PARP14: variants seen among roughly 807,000 people sequenced by gnomAD.
The protein encoded by PARP14 is protein mono-ADP-ribosyltransferase PARP14.
PARP14 carries 59 observed loss-of-function variants against 154.2 expected under a neutral mutation model. The observed-to-expected ratio is 0.38, with a 90% CI of 0.31 to 0.48. PARP14 has a LOEUF of 0.48. PARP14 is among the 20% of genes least tolerant of loss of function. The pLI is 0.98. For missense variants in PARP14, 1,734 were observed against 2,131.6 expected, an observed-to-expected ratio of 0.81 and a Z score of 3.67; for synonymous variants, 720 against 780.5, an observed-to-expected ratio of 0.92 and a Z score of 1.29.
chr3:122,692,151 T>A, intron 3 of PARP14, 150 bp from the exon 4 acceptor site: 2 of 508,798 alleles, frequency 3.9e-6, no homozygotes, highest in Non-Finnish European at 6.9e-6. Context: ...TTTATTTAAA[T>A]AAAGCAAAAA....
intron 16 of PARP14, 66 bp from the exon 17 acceptor site, chr3:122,728,242 G>C: frequency 2.9e-6 from 4 of 1,372,744 alleles, no homozygotes; most frequent in Non-Finnish European, 4.1e-6. Flanking sequence ...TTATTTAACA[G>C]ATTGGGCCAA....
chr3:122,702,599 A>T lies in PARP14; in HGVS notation c.3081+964A>T, dbSNP rs1466195331. 2.0e-5 allele frequency among the ~76,000 whole-genome samples: 3 copies of T among 152,166 alleles called. No individual in the cohort carries two copies. In the East Asian group the frequency reaches 5.8e-4, roughly 29 times the overall value. Reference sequence around the variant, plus strand: ...CTAGGATTATTATTATTCTCACTTTACAGATGAGGGAGTGAGACTTAAAGG... The same window carrying T: ...CTAGGATTATTATTATTCTCACTTTTCAGATGAGGGAGTGAGACTTAAAGG... On this transcript the variant is annotated intron_variant, in intron 6 of 16. Coordinates refer to ENST00000474629, the MANE Select transcript of PARP14 (RefSeq NM_017554.3).
chr3:122,684,071 A>T lies in PARP14; in HGVS notation c.188-1114A>T, dbSNP rs138412307. On this transcript the variant is annotated intron_variant, in intron 1 of 16. Transcript: ENST00000474629. Reference sequence around the variant, plus strand: ...AGGCCTATTTCTGAGTTGGCATCCAATTAAGACCCCACTTCCTCCACCCTC... The same window carrying T: ...AGGCCTATTTCTGAGTTGGCATCCATTTAAGACCCCACTTCCTCCACCCTC... 3.5e-3 allele frequency among the ~76,000 whole-genome samples: 530 copies of T among 152,266 alleles called. 3 individuals carry two copies. Among genetic ancestry groups the T allele is most frequent in the African/African-American group, 0.011 (453 of 41,536 alleles).
rs1938928616 is a variant in PARP14 at position 122,700,526 on chromosome 3, T to C, written c.1972T>C (p.Tyr658His). 6.2e-7 allele frequency: 1 copy of C among 1,602,198 alleles called. No individual in the cohort carries two copies. The highest frequency in any genetic ancestry group is 1.1e-5 in the South Asian group (1 of 89,330). The change falls in exon 6 of 17, where the codon TAT becomes CAT. Residue 658 changes from tyrosine (Y) to histidine (H), a missense_variant. Coordinates refer to ENST00000474629, the MANE Select transcript of PARP14 (RefSeq NM_017554.3). ...TGCVKEVNET[Y>H]KLLFNFVEQN... ...CTGTGTAAAAGAAGTAAATGAAACC[T>C]ATAAATTGCTTTTTAACTTCGTTGA...
At position 122,692,315 on chromosome 3, in the gene PARP14, T is replaced by C. The variant is rs745993008; in HGVS notation, c.370T>C (p.Leu124=). The change falls in exon 4 of 17, where the codon TTG becomes CTG. Residue 124 remains leucine, a synonymous_variant. Coordinates refer to ENST00000474629, the MANE Select transcript of PARP14 (RefSeq NM_017554.3). ...DVKEPDVSEE[L]DTKLPLDGGL... ...CCTAAAATCAGATGTGTCAGAAGAA[T>C]TGGATACAAAACTCCCTCTTGATGG... The C allele has an allele frequency of 1.2e-6, 2 of 1,611,656 alleles. No homozygotes were observed. Among genetic ancestry groups the C allele is most frequent in the Non-Finnish European group, 1.7e-6 (2 of 1,177,974 alleles).
chr3:122,686,803 A>G, intron 2 of PARP14: 1 of 354,742 alleles, frequency 2.8e-6, no homozygotes, highest in Non-Finnish European at 5.1e-6. Context: ...TTATGAGCTA[A>G]GATGTTTCTC....
intron 3 of PARP14, among the ~76,000 whole-genome samples, chr3:122,689,279 G>T (rs991685612): frequency 1.3e-5 from 2 of 152,058 alleles, no homozygotes; most frequent in African/African-American, 4.8e-5. Context: ...GACATTTCAC[G>T]CATCACTCCT....
rs1938924563 is a variant in PARP14 at position 122,700,435 on chromosome 3, C to T, written c.1881C>T (p.Ser627=). The part of the protein sequence containing the change: ...LTHNLLKKQN[S]SPNTVIINEL... ...ACAATTTGCTTAAGAAACAAAATTC[C>T]TCCCCAAACACTGTAATCATCAATG... The change falls in exon 6 of 17, where the codon TCC becomes TCT. Residue 627 remains serine (S), a synonymous_variant. Transcript: ENST00000474629. 6.2e-7 allele frequency: 1 copy of T among 1,613,416 alleles called. No homozygotes were observed.
rs757202495 is a variant in PARP14, at chr3:122,701,199, G to A, written c.2645G>A (p.Gly882Glu). The change falls in exon 6 of 17, where the codon GGG (glycine) becomes GAG (glutamate). Residue 882 changes from glycine (G) to glutamate (E), a missense_variant. Physicochemically the swap from Gly to Glu is moderately conservative, Grantham distance 98. This residue lies in a region of PARP14 where 1,646 missense variants were observed against 1,976.0 expected (regional missense o/e 0.83). Transcript: ENST00000474629. The surrounding 1 kb of genome is among the most constrained non-coding windows in gnomAD (Gnocchi z 4.0). ...LPYHHVIHAV[G>E]PRWSGYEAPR... Reference sequence around the variant, plus strand: ...TACCACCACGTGATCCATGCAGTGGGGCCCCGCTGGAGCGGATATGAGGCC... The same window carrying A: ...TACCACCACGTGATCCATGCAGTGGAGCCCCGCTGGAGCGGATATGAGGCC... The A allele has an allele frequency of 6.0e-5, 96 of 1,613,056 alleles. No homozygotes were observed. Among genetic ancestry groups the A allele is most frequent in the Non-Finnish European group, 1.7e-6 (2 of 1,179,608 alleles).
intron 6 of PARP14, among the ~76,000 whole-genome samples, chr3:122,702,014 G>A (rs554940307): frequency 2.0e-5 from 3 of 152,212 alleles, no homozygotes; most frequent in African/African-American, 7.2e-5. Flanking sequence ...CAGAGCATAG[G>A]GTATGCAGAG....
intron 8 of PARP14, among the ~76,000 whole-genome samples, 198 bp from the exon 9 acceptor site, chr3:122,707,992 T>G (rs1348129528): frequency 6.6e-6 from 1 of 152,248 alleles, no homozygotes; most frequent in Non-Finnish European, 1.5e-5. Context: ...CGTTGATATT[T>G]TCATTAGACA....
intron 15 of PARP14, 195 bp downstream of exon 15, chr3:122,720,583 T>G: frequency 1.6e-6 from 1 of 630,566 alleles, no homozygotes; most frequent in Middle Eastern, 2.7e-4. Context: ...GTGTCAGTGA[T>G]TACAATATTT....
intron 15 of PARP14, 150 bp downstream of exon 15, chr3:122,720,538 C>T (rs1933138892): frequency 1.4e-6 from 1 of 722,706 alleles, no homozygotes; most frequent in Non-Finnish European, 2.4e-6. Context: ...AGATTCTACT[C>T]ATGTGACCAT....
In PARP14 at chr3:122,707,242, G is replaced by A. The variant is rs143349178; in HGVS notation, c.3541-948G>A. Reference sequence around the variant, plus strand: ...AGCCTGGCTAACATGGTGAAACCCCGTCTCTACTAAAAATACAAAAATTAC... The same window carrying A: ...AGCCTGGCTAACATGGTGAAACCCCATCTCTACTAAAAATACAAAAATTAC... On this transcript the variant is annotated intron_variant, in intron 8 of 16. Coordinates refer to ENST00000474629, the MANE Select transcript of PARP14 (RefSeq NM_017554.3). 5.0e-3 allele frequency among the ~76,000 whole-genome samples: 765 copies of A among 151,976 alleles called. 8 individuals carry two copies. Among genetic ancestry groups the A allele is most frequent in the African/African-American group, 0.017 (688 of 41,440 alleles).
Position 122,695,565 on chromosome 3 carries a change from T to C in PARP14, c.738T>C (p.Leu246=), listed in dbSNP as rs770656808. 11 of 1,610,662 alleles carry C rather than the reference T, an allele frequency of 6.8e-6. No homozygotes were observed. The African/African-American group carries it at 1.5e-4, about 22-fold the overall frequency. Residue 246 remains leucine (L), a synonymous_variant, in exon 5 of 17, where the codon CTT becomes CTC. Transcript: ENST00000474629. ...GTGCTGATGACTACAGTTTAAAACT[T>C]TTCTTTGAAAATCCCTATAATGGAG... ...PPGADDYSLK[L]FFENPYNGGG...
chr3:122,720,623 T>C (rs995132690), intron 15 of PARP14: 3 of 557,640 alleles, frequency 5.4e-6, no homozygotes, highest in Non-Finnish European at 9.8e-6. Flanking sequence ...ACTAAAGACA[T>C]ATATTTACTT....
intron 6 of PARP14, among the ~76,000 whole-genome samples, chr3:122,703,004 A>AC (rs1560065568): frequency 4.5e-5 from 6 of 131,926 alleles, no homozygotes; most frequent in South Asian, 2.2e-4. Flanking sequence ...AAAAAAAAAA[A>AC]AAAAAACAAA....
At position 122,700,126 on chromosome 3, in the gene PARP14, C is replaced by T. The variant is rs370071107; in HGVS notation, c.1572C>T (p.Ile524=). ...ATGTGTATAAAGCAAAGTGTGAAAT[C>T]CAGGAAAAGGTGTACACCATGGCTC... ...SADVYKAKCE[I]QEKVYTMAQK... Residue 524 remains isoleucine (I), a synonymous_variant, in exon 6 of 17, where the codon ATC becomes ATT. Coordinates refer to ENST00000474629, the MANE Select transcript of PARP14 (RefSeq NM_017554.3). 1.3e-5 allele frequency: 21 copies of T among 1,613,554 alleles called. No individual in the cohort carries two copies. Among genetic ancestry groups the T allele is most frequent in the Admixed American group, 8.3e-5 (5 of 59,946 alleles).
rs147570748 is a variant in PARP14, at chr3:122,692,425, G to C, written c.480G>C (p.Val160=). 241 of 1,613,782 alleles carry C rather than the reference G, an allele frequency of 1.5e-4. 1 individual carries two copies. The East Asian group carries it at 5.3e-3, about 36-fold the overall frequency. Residue 160 remains valine (V), a synonymous_variant, in exon 4 of 17, where the codon GTG becomes GTC. Coordinates refer to ENST00000474629, the MANE Select transcript of PARP14 (RefSeq NM_017554.3). ...CATTTGAAAACCTCAAGGCAAATGTGACTGACATAATGCTAATCTTGTTAG... is the reference window on the plus strand; with the variant it reads ...CATTTGAAAACCTCAAGGCAAATGTCACTGACATAATGCTAATCTTGTTAG... ...LVAFENLKAN[V]TDIMLILLVE...
Sources: allele counts gnomAD v4.1 joint callset (sites outside exome capture counted in the v4.1 genomes callset), GRCh38; gene constraint gnomAD v4.1.1; regional missense constraint gnomAD v4.1.1; non-coding constraint Gnocchi (gnomAD v3.1); transcripts MANE v1.5; gene names NCBI Gene and HGNC (gene_info 2026-07-23, HGNC 2026-07-21).